The following COP1 variants were observed in gnomAD, a reference collection of about 807,000 sequenced individuals.
The protein encoded by COP1 is COP1 E3 ubiquitin ligase.
A neutral mutation model predicts 101.3 loss-of-function variants in COP1; 24 were observed. That is an observed-to-expected ratio of 0.24 (90% confidence interval 0.17 to 0.33). The LOEUF is 0.33. COP1 is among the 10% of genes least tolerant of loss of function. The pLI is 1.00. For missense variants in COP1, 663 were observed against 906.2 expected (o/e 0.73, Z 3.45); for synonymous variants, 347 against 341.9 (o/e 1.01, Z -0.17).
intron 11 of COP1, among the ~76,000 whole-genome samples, chr1:176,065,131 C>T (rs1675686817): frequency 2.0e-5 from 3 of 152,038 alleles, no homozygotes; most frequent in Admixed American, 2.0e-4. Context: ...CATTTTATTC[C>T]AGTGCCTTTT....
At chr1:176,113,738 A>G (rs1685687450) in intron 9 of COP1, among the ~76,000 whole-genome samples, 1 of 152,180 alleles carries the variant, frequency 6.6e-6, no homozygotes, top group South Asian at 2.1e-4. Context: ...GAAACAACTT[A>G]AAGGATTAAG....
chr1:176,014,989 T>C (rs995741479), intron 15 of COP1, among the ~76,000 whole-genome samples: 2 of 152,132 alleles, frequency 1.3e-5, no homozygotes, highest in Non-Finnish European at 2.9e-5. Flanking sequence ...GATCAAGTGA[T>C]AACAATGAGA....
At chr1:176,005,727 T>C (rs1257317906) in intron 15 of COP1, among the ~76,000 whole-genome samples, 2 of 133,552 alleles carry the variant, frequency 1.5e-5, no homozygotes, top group African/African-American at 2.6e-5. Context: ...TAGTTTGTTA[T>C]AATCTCTGTT....
rs779553267 is a variant in COP1 at position 176,158,378 on chromosome 1, A to G, written c.762+4491T>C. Among the ~76,000 whole-genome samples, 5 of 152,282 alleles carry G rather than the reference A, an allele frequency of 3.3e-5. No individual in the cohort carries two copies. The South Asian group carries it at 6.2e-4, about 19-fold the overall frequency. On this transcript the variant is annotated intron_variant, in intron 5 of 19. Coordinates refer to ENST00000367669, the MANE Select transcript of COP1 (RefSeq NM_022457.7). ...AATTCGCCTCTCGCCGTCCTGCACT[A>G]AAGAAATGGTAAATGATGTCCTTGA... is the stretch of plus-strand genomic sequence containing the variant.
At chr1:176,061,741 T>A (rs1420531239) in intron 11 of COP1, among the ~76,000 whole-genome samples, 2 of 152,150 alleles carry the variant, frequency 1.3e-5, no homozygotes, top group Non-Finnish European at 2.9e-5. Flanking sequence ...CTAAAGTTAT[T>A]ACAATGATAG....
At chr1:176,126,694 C>T (rs4650936) in intron 8 of COP1, among the ~76,000 whole-genome samples, 8,087 of 152,108 alleles carry the variant, frequency 0.053, 467 homozygotes, top group Middle Eastern at 0.14. Flanking sequence ...CCTTGTGATC[C>T]GCCAGCCTCG....
chr1:176,195,506 T>G (rs922370912), intron 1 of COP1, among the ~76,000 whole-genome samples: 3 of 152,198 alleles, frequency 2.0e-5, no homozygotes, highest in Non-Finnish European at 4.4e-5. Flanking sequence ...AGCCTACACA[T>G]GGCAGAGTAC....
intron 9 of COP1, among the ~76,000 whole-genome samples, chr1:176,109,145 T>G (rs1298028153): frequency 6.6e-6 from 1 of 151,986 alleles, no homozygotes; most frequent in African/African-American, 2.4e-5. Context: ...TTATCAAAAT[T>G]TTTAATATTT....
intron 18 of COP1, among the ~76,000 whole-genome samples, chr1:175,957,309 G>T (rs1028357631): frequency 2.6e-5 from 4 of 151,252 alleles, no homozygotes; most frequent in African/African-American, 9.7e-5. Context: ...GCCCTAGGCA[G>T]GTGTACCATT....
chr1:176,100,256 G>A, intron 9 of COP1: 1 of 244,296 alleles, frequency 4.1e-6, no homozygotes, highest in South Asian at 3.7e-5. Context: ...AGGTGTGGAG[G>A]CAGGCGCCGG....
intron 3 of COP1, among the ~76,000 whole-genome samples, chr1:176,165,442 C>G (rs772865351): frequency 6.7e-6 from 1 of 149,270 alleles, no homozygotes; most frequent in African/African-American, 2.5e-5. Flanking sequence ...ATATAGTCAT[C>G]CCAGCACTTT....
intron 15 of COP1, among the ~76,000 whole-genome samples, chr1:176,013,960 G>A (rs112243330): frequency 1.6e-4 from 24 of 152,218 alleles, no homozygotes; most frequent in African/African-American, 5.3e-4. Context: ...TTGATTAAGA[G>A]TTCATTCCAA....
chr1:176,189,755 C>T (rs1039617299), intron 1 of COP1, among the ~76,000 whole-genome samples: 2 of 151,572 alleles, frequency 1.3e-5, no homozygotes, highest in African/African-American at 4.8e-5. Context: ...AAACATAATA[C>T]TGTCCCTAGA....
At chr1:176,152,793 G>T (rs1381493818) in intron 5 of COP1, among the ~76,000 whole-genome samples, 3 of 151,978 alleles carry the variant, frequency 2.0e-5, no homozygotes, top group Non-Finnish European at 4.4e-5. Flanking sequence ...TCCCCTACTT[G>T]GGTTCAGATT....
intron 3 of COP1, among the ~76,000 whole-genome samples, chr1:176,171,239 C>T (rs1242614318): frequency 6.6e-6 from 1 of 151,526 alleles, no homozygotes; most frequent in Non-Finnish European, 1.5e-5. Flanking sequence ...TAATTTGCTA[C>T]AGCTTCTACA....
At chr1:176,052,456 C>G (rs1036600283) in intron 11 of COP1, among the ~76,000 whole-genome samples, 1 of 152,142 alleles carries the variant, frequency 6.6e-6, no homozygotes, top group Non-Finnish European at 1.5e-5. Flanking sequence ...TGAAATTTCC[C>G]TCTTCCAATC....
At chr1:176,104,625 C>T (rs562655690) in intron 9 of COP1, among the ~76,000 whole-genome samples, 2 of 152,170 alleles carry the variant, frequency 1.3e-5, no homozygotes, top group South Asian at 2.1e-4. Context: ...AATATATTGG[C>T]AAAAATTAAA....
chr1:176,018,273 AACC>A (rs1378851809), intron 15 of COP1, among the ~76,000 whole-genome samples: 1 of 152,254 alleles, frequency 6.6e-6, no homozygotes, highest in African/African-American at 2.4e-5. Flanking sequence ...CATTAGATTA[AACC>A]ACAATTGTCA....
At chr1:176,022,294 C>T (rs55746951) in intron 15 of COP1, among the ~76,000 whole-genome samples, 1 of 152,290 alleles carries the variant, frequency 6.6e-6, no homozygotes, top group African/African-American at 2.4e-5. Flanking sequence ...CCTCACTTCC[C>T]TGGTAGGATC....
Sources: gnomAD v4.1 joint callset for allele counts (sites outside exome capture counted in the v4.1 genomes callset) on GRCh38, gnomAD v4.1.1 for gene constraint, MANE v1.5 for transcripts, NCBI Gene and HGNC (gene_info 2026-07-23, HGNC 2026-07-21) for gene names.